Variants in SLC25A26 observed in about 807,000 individuals in gnomAD.
SLC25A26 encodes the protein mitochondrial S-adenosylmethionine carrier protein.
SLC25A26 carries 36 observed loss-of-function variants against 37.8 expected under a neutral mutation model. The observed-to-expected ratio is 0.95, with a 90% CI of 0.73 to 1.26. SLC25A26 has a LOEUF of 1.26. Ranked by LOEUF, SLC25A26 falls within the 50% of genes most tolerant of loss-of-function variation. The pLI is 0.00. For synonymous variants in SLC25A26, 129 were observed against 122.5 expected (o/e 1.05, Z -0.35); for missense variants, 390 against 331.1 (o/e 1.18, Z -1.38).
At chr3:66,355,855 C>G (rs903627192) in intron 6 of SLC25A26, among the ~76,000 whole-genome samples, 1 of 152,026 alleles carries the variant, frequency 6.6e-6, no homozygotes, top group Non-Finnish European at 1.5e-5. Context: ...TGAGACCTAC[C>G]CAGAGGATGA....
chr3:66,138,819 C>T (rs183146348), intron 1 of SLC25A26, among the ~76,000 whole-genome samples: 2 of 152,202 alleles, frequency 1.3e-5, no homozygotes, highest in Non-Finnish European at 1.5e-5. Flanking sequence ...ATCTTGTACT[C>T]CCTCTGCTGG....
At chr3:66,298,558 C>T (rs6787398) in intron 5 of SLC25A26, among the ~76,000 whole-genome samples, 1 of 151,980 alleles carries the variant, frequency 6.6e-6, no homozygotes, top group African/African-American at 2.4e-5. Flanking sequence ...AATTAATTTG[C>T]TTGTGAAGAA....
chr3:66,253,333 C>T (rs2107210155), intron 3 of SLC25A26, among the ~76,000 whole-genome samples: 1 of 150,594 alleles, frequency 6.6e-6, no homozygotes, highest in Admixed American at 6.6e-5. Context: ...ATGGGGTGAA[C>T]TTGGGAGGTG....
intron 2 of SLC25A26, among the ~76,000 whole-genome samples, chr3:66,240,162 C>G (rs562790423): frequency 5.9e-5 from 9 of 152,212 alleles, no homozygotes; most frequent in Admixed American, 1.3e-4. Context: ...ATTAGTGTCA[C>G]GTGGCATTTT....
At chr3:66,317,803 G>T (rs541178508) in intron 5 of SLC25A26, among the ~76,000 whole-genome samples, 1 of 152,168 alleles carries the variant, frequency 6.6e-6, no homozygotes, top group Non-Finnish European at 1.5e-5. Flanking sequence ...TAAACCCCTG[G>T]CTGGGGATGC....
intron 6 of SLC25A26, 73 bp downstream of exon 6, chr3:66,346,481 A>G (rs2076326637): frequency 1.3e-6 from 1 of 783,592 alleles, no homozygotes; most frequent in Admixed American, 3.5e-5. Context: ...GTGGAAGAGT[A>G]GAACATAATG....
intron 1 of SLC25A26, among the ~76,000 whole-genome samples, chr3:66,160,889 C>G (rs976570294): frequency 6.6e-6 from 1 of 152,014 alleles, no homozygotes; most frequent in African/African-American, 2.4e-5. Context: ...GAGCTGAGAT[C>G]ATACCACTGC....
At chr3:66,364,341 A>G (rs148714417) in intron 7 of SLC25A26, among the ~76,000 whole-genome samples, 3 of 152,280 alleles carry the variant, frequency 2.0e-5, no homozygotes, top group South Asian at 2.1e-4. Context: ...TCCTCTATCT[A>G]TGTGGTAGGA....
At chr3:66,196,627 A>C (rs1451252063) in intron 1 of SLC25A26, among the ~76,000 whole-genome samples, 1 of 152,244 alleles carries the variant, frequency 6.6e-6, no homozygotes, top group South Asian at 2.1e-4. Flanking sequence ...CTATAGCCTT[A>C]AAATAGAATT....
intron 1 of SLC25A26, among the ~76,000 whole-genome samples, chr3:66,189,364 A>G (rs1304783166): frequency 6.6e-6 from 1 of 151,676 alleles, no homozygotes; most frequent in African/African-American, 2.4e-5. Context: ...TGCTGATCCT[A>G]ATACTGATTG....
At chr3:66,230,398 A>C (rs999707617) in intron 1 of SLC25A26, among the ~76,000 whole-genome samples, 5 of 152,180 alleles carry the variant, frequency 3.3e-5, no homozygotes, top group Admixed American at 6.5e-5. Context: ...ATTGGGTTGC[A>C]GCTTTAAGAA....
At chr3:66,241,110 T>C (rs528561918) in intron 2 of SLC25A26, among the ~76,000 whole-genome samples, 28 of 151,988 alleles carry the variant, frequency 1.8e-4, no homozygotes, top group Admixed American at 4.6e-4. Context: ...GTTCAAATTA[T>C]CACGAATCTC....
chr3:66,180,435 C>T (rs895960342), intron 1 of SLC25A26, among the ~76,000 whole-genome samples: 20 of 152,214 alleles, frequency 1.3e-4, no homozygotes, highest in African/African-American at 3.4e-4. Flanking sequence ...CTCTTGACTC[C>T]TTCAGACCCA....
chr3:66,231,714 T>C (rs947759781), intron 1 of SLC25A26, among the ~76,000 whole-genome samples: 2 of 152,088 alleles, frequency 1.3e-5, no homozygotes, highest in African/African-American at 2.4e-5. Flanking sequence ...ATTTGATTAA[T>C]TTAAGAATAT....
At chr3:66,375,345 T>C (rs1380715902) in intron 9 of SLC25A26, among the ~76,000 whole-genome samples, 1 of 152,204 alleles carries the variant, frequency 6.6e-6, no homozygotes, top group African/African-American at 2.4e-5. Context: ...AGATCATCGA[T>C]GAAGGCACTA....
chr3:66,183,395 C>T (rs2070754269), intron 1 of SLC25A26, among the ~76,000 whole-genome samples: 1 of 152,016 alleles, frequency 6.6e-6, no homozygotes, highest in South Asian at 2.1e-4. Context: ...GACTCTAACT[C>T]TGAGGCTAAC....
chr3:66,234,693 C>T (rs1045344136), intron 1 of SLC25A26, among the ~76,000 whole-genome samples: 3 of 152,008 alleles, frequency 2.0e-5, no homozygotes, highest in African/African-American at 4.8e-5. Flanking sequence ...TTATGGTGAG[C>T]GGTAAGTAAA....
upstream of SLC25A26, among the ~76,000 whole-genome samples, chr3:66,216,535 AAAC>A (rs1228589183): frequency 1.5e-3 from 230 of 152,218 alleles, 1 homozygote; most frequent in Middle Eastern, 3.4e-3. Context: ...AATAAACAAA[AAAC>A]AACAACAACA....
chr3:66,358,369 A>C lies in SLC25A26; in HGVS notation c.499-4491A>C, dbSNP rs555969500. ...ATTTCTGAAGTTCTGTATTCAGACA[A>C]TTCCTCATTTAGAAAAATCATTTCA... On this transcript the variant is annotated intron_variant, in intron 6 of 9. Transcript: ENST00000354883. Among the ~76,000 whole-genome samples the C allele has an allele frequency of 2.0e-5, 3 of 152,354 alleles. No homozygotes were observed. In the South Asian group the frequency reaches 6.2e-4, roughly 32 times the overall value.
Sources: gnomAD v4.1 joint callset for allele counts (sites outside exome capture counted in the v4.1 genomes callset) on GRCh38, gnomAD v4.1.1 for gene constraint, MANE v1.5 for transcripts, NCBI Gene and HGNC (gene_info 2026-07-23, HGNC 2026-07-21) for gene names.